The following SDK1 variants were observed in gnomAD, a reference collection of about 807,000 sequenced individuals.
SDK1 encodes the protein protein sidekick-1.
SDK1 carries 157 observed loss-of-function variants against 245.5 expected under a neutral mutation model. That is an observed-to-expected ratio of 0.64 (90% confidence interval 0.56 to 0.73). The LOEUF is 0.73. SDK1 is among the 30% of genes least tolerant of loss of function. The probability of loss-of-function intolerance (pLI) is 0.00; values close to 1 mark genes in which losing one functional copy is unlikely to be tolerated. For missense variants in SDK1, 3,583 were observed against 3,002.3 expected, an observed-to-expected ratio of 1.19 and a Z score of -4.52; for synonymous variants, 1,647 against 1,278.5, an observed-to-expected ratio of 1.29 and a Z score of -6.15.
intron 4 of SDK1, among the ~76,000 whole-genome samples, chr7:3,801,317 A>C (rs928595622): frequency 3.3e-5 from 5 of 152,176 alleles, no homozygotes; most frequent in African/African-American, 1.2e-4. Flanking sequence ...TTTGGAGCAT[A>C]GTGCATATAA....
intron 5 of SDK1, among the ~76,000 whole-genome samples, chr7:3,848,696 T>C (rs1282529324): frequency 6.6e-6 from 1 of 151,800 alleles, no homozygotes; most frequent in Non-Finnish European, 1.5e-5. Context: ...TCTGAGACAG[T>C]GTATTGCTCT....
intron 35 of SDK1, among the ~76,000 whole-genome samples, chr7:4,200,987 C>G (rs890685075): frequency 6.6e-6 from 1 of 152,206 alleles, no homozygotes; most frequent in South Asian, 2.1e-4. Context: ...TCCTTACGTC[C>G]CTCAGCTCAT....
At chr7:4,177,759 A>G (rs1378957238) in intron 34 of SDK1, among the ~76,000 whole-genome samples, 1 of 152,204 alleles carries the variant, frequency 6.6e-6, no homozygotes, top group Non-Finnish European at 1.5e-5. Flanking sequence ...TATTTCCATT[A>G]TTAGTACATC....
At chr7:3,460,357 C>T (rs1780795113) in intron 1 of SDK1, among the ~76,000 whole-genome samples, 1 of 152,110 alleles carries the variant, frequency 6.6e-6, no homozygotes, top group Non-Finnish European at 1.5e-5. Context: ...TTAGGAGCTC[C>T]ACTTTGGAAT....
At chr7:3,506,845 T>A (rs1583969870) in intron 1 of SDK1, among the ~76,000 whole-genome samples, 1 of 152,150 alleles carries the variant, frequency 6.6e-6, no homozygotes, top group South Asian at 2.1e-4. Flanking sequence ...TTTTTTTTTT[T>A]AAATAAACAC....
chr7:3,565,394 C>T (rs1203221732), intron 1 of SDK1, among the ~76,000 whole-genome samples: 2 of 152,176 alleles, frequency 1.3e-5, no homozygotes, highest in African/African-American at 2.4e-5. Flanking sequence ...CACAAATGCT[C>T]ATTACCTCTG....
At chr7:3,686,069 A>G (rs186476014) in intron 4 of SDK1, among the ~76,000 whole-genome samples, 1,228 of 96,982 alleles carry the variant, frequency 0.013, 20 homozygotes, top group African/African-American at 0.03. Context: ...CATATGAGGC[A>G]AACTTTTTTT....
chr7:3,786,588 T>A (rs1024272574), intron 4 of SDK1, among the ~76,000 whole-genome samples: 1 of 152,210 alleles, frequency 6.6e-6, no homozygotes, highest in African/African-American at 2.4e-5. Flanking sequence ...GTCTTCTGAT[T>A]AATCAAATTA....
At chr7:4,041,542 C>T (rs1289797194) in intron 17 of SDK1, among the ~76,000 whole-genome samples, 1 of 152,000 alleles carries the variant, frequency 6.6e-6, no homozygotes, top group Non-Finnish European at 1.5e-5. Flanking sequence ...GACATGTATC[C>T]CCCGTTATAG....
chr7:4,003,206 CTTCCACTGCAGG>C (rs986624347), intron 14 of SDK1, among the ~76,000 whole-genome samples: 16 of 152,264 alleles, frequency 1.1e-4, no homozygotes, highest in African/African-American at 3.9e-4. Flanking sequence ...AACACATGAC[CTTCCACTGCAGG>C]TTCCACGCAG....
chr7:3,905,627 C>T (rs1435441155), intron 5 of SDK1, among the ~76,000 whole-genome samples: 1 of 151,910 alleles, frequency 6.6e-6, no homozygotes, highest in African/African-American at 2.4e-5. Context: ...TTTATCAATT[C>T]CAAAGTTTTT....
chr7:3,965,658 C>G (rs953836234), intron 9 of SDK1, among the ~76,000 whole-genome samples: 11 of 152,086 alleles, frequency 7.2e-5, no homozygotes, highest in African/African-American at 2.7e-4. Flanking sequence ...GGTTCCTGTG[C>G]TTCCAGGACA....
chr7:3,374,130 T>G (rs928005505), intron 1 of SDK1, among the ~76,000 whole-genome samples: 3 of 152,166 alleles, frequency 2.0e-5, no homozygotes, highest in Non-Finnish European at 2.9e-5. Context: ...ATGGAAGTCT[T>G]GGATTTGCTG....
At chr7:3,660,527 T>A (rs1407987722) in intron 4 of SDK1, among the ~76,000 whole-genome samples, 3 of 152,182 alleles carry the variant, frequency 2.0e-5, no homozygotes, top group African/African-American at 7.2e-5. Flanking sequence ...CCATATCTTT[T>A]GTCACCTTTT....
chr7:3,612,793 A>T (rs929559083), intron 1 of SDK1, among the ~76,000 whole-genome samples: 1 of 152,150 alleles, frequency 6.6e-6, no homozygotes. Flanking sequence ...TCACACTGGC[A>T]TTCTGGTCCT....
Position 4,268,875 on chromosome 7 carries a change from T to A in SDK1, c.*3491T>A, listed in dbSNP as rs112222370. The A allele has an allele frequency of 0.02, 10,200 of 521,698 alleles. 134 individuals carry two copies. Among genetic ancestry groups the A allele is most frequent in the Non-Finnish European group, 0.025 (7,417 of 299,232 alleles). The allele number at this position is 521,698 out of a possible 1,614,324, so 32.3% of individuals were successfully genotyped here. A position where few individuals can be genotyped will look rare whatever the true frequency, so the allele number is the denominator to read the frequency against. On this transcript the variant is annotated 3_prime_UTR_variant, in exon 45 of 45. Transcript: ENST00000404826. ...AGCCGTCAGGTCCCTAAACGTTCCCTACAACTTTTTCTGAAATTGTGCAGA... is the reference window on the plus strand; with the variant it reads ...AGCCGTCAGGTCCCTAAACGTTCCCAACAACTTTTTCTGAAATTGTGCAGA...
At chr7:3,376,445 TCAG>T (rs1267661431) in intron 1 of SDK1, among the ~76,000 whole-genome samples, 3 of 145,428 alleles carry the variant, frequency 2.1e-5, no homozygotes. Context: ...CTCTTAAAAA[TCAG>T]TAAGAAGACT....
chr7:3,394,024 A>T (rs1295871672), intron 1 of SDK1, among the ~76,000 whole-genome samples: 2 of 152,158 alleles, frequency 1.3e-5, no homozygotes, highest in South Asian at 2.1e-4. Flanking sequence ...TGGGTAAGCC[A>T]TATCTGCATT....
At chr7:4,106,371 T>C (rs1374674484) in intron 22 of SDK1, among the ~76,000 whole-genome samples, 1 of 151,446 alleles carries the variant, frequency 6.6e-6, no homozygotes, top group Non-Finnish European at 1.5e-5. Context: ...TGGCATGATC[T>C]CAGCTCACTG....
Sources: allele counts gnomAD v4.1 joint callset (sites outside exome capture counted in the v4.1 genomes callset), GRCh38; gene constraint gnomAD v4.1.1; transcripts MANE v1.5; gene names NCBI Gene and HGNC (gene_info 2026-07-23, HGNC 2026-07-21).